TMEM117: variants seen among roughly 807,000 people sequenced by gnomAD.
TMEM117 encodes the protein transmembrane protein 117.
Under a neutral mutation model 52.4 loss-of-function variants are expected in TMEM117, and 27 were observed. That is an observed-to-expected ratio of 0.51 (90% CI 0.38 to 0.71). The LOEUF (loss-of-function observed/expected upper bound fraction) is 0.71. Ranked by LOEUF, TMEM117 falls within the 30% of genes least tolerant of loss-of-function variation. The probability of loss-of-function intolerance (pLI) is 0.00; values close to 1 mark genes in which losing one functional copy is unlikely to be tolerated. For missense variants in TMEM117, 556 were observed against 630.5 expected (o/e 0.88, Z 1.26); for synonymous variants, 215 against 206.3 (o/e 1.04, Z -0.36).
the TMEM117 span, among the ~76,000 whole-genome samples, chr12:43,815,474 T>A: frequency 6.6e-6 from 1 of 152,204 alleles, no homozygotes; most frequent in Admixed American, 6.5e-5. Context: ...CAGAGTGAAT[T>A]GCTGAAGACA....
chr12:44,137,173 A>G (rs1490485322), intron 3 of TMEM117, among the ~76,000 whole-genome samples: 1 of 152,114 alleles, frequency 6.6e-6, no homozygotes, highest in Non-Finnish European at 1.5e-5. Context: ...AATGTAAGAA[A>G]ATCATTAAAA....
At chr12:43,971,821 T>A (rs990334391) in intron 3 of TMEM117, among the ~76,000 whole-genome samples, 4 of 152,206 alleles carry the variant, frequency 2.6e-5, no homozygotes, top group Non-Finnish European at 1.5e-5. Flanking sequence ...TTGTTAACTG[T>A]AGGCACAATG....
intron 2 of TMEM117, among the ~76,000 whole-genome samples, chr12:43,867,974 AC>A (rs779132070): frequency 1.3e-5 from 2 of 152,200 alleles, no homozygotes; most frequent in Non-Finnish European, 2.9e-5. Context: ...TTTTTCAAGT[AC>A]AATGGAATAT....
the TMEM117 span, among the ~76,000 whole-genome samples, chr12:43,825,381 T>C: frequency 6.6e-6 from 1 of 152,134 alleles, no homozygotes; most frequent in Non-Finnish European, 1.5e-5. Flanking sequence ...CAGGGGTTGA[T>C]CCCTACTCAC....
At chr12:43,950,861 G>C (rs1945209214) in intron 3 of TMEM117, among the ~76,000 whole-genome samples, 1 of 152,230 alleles carries the variant, frequency 6.6e-6, no homozygotes, top group South Asian at 2.1e-4. Context: ...GAGGGGCCAA[G>C]ATGGCCGAAT....
At position 44,285,160 on chromosome 12, in the gene TMEM117, AT is replaced by A. The variant is rs538416649; in HGVS notation, c.609-14413del. ...TGACCAAATGCTCCAACCCAGACGT[AT>A]TTTTTTCAGCCACCTCTTTTATGGC... is the stretch of plus-strand genomic sequence containing the variant. On this transcript the variant is annotated intron_variant, in intron 5 of 7. Coordinates refer to ENST00000266534, the MANE Select transcript of TMEM117 (RefSeq NM_032256.3). 2.2e-3 allele frequency among the ~76,000 whole-genome samples: 334 copies of A among 152,234 alleles called. 3 individuals carry two copies. Among genetic ancestry groups the A allele is most frequent in the African/African-American group, 7.6e-3 (317 of 41,548 alleles).
chr12:44,300,257 G>A (rs780176010), intron 6 of TMEM117, among the ~76,000 whole-genome samples: 1 of 152,104 alleles, frequency 6.6e-6, no homozygotes, highest in Non-Finnish European at 1.5e-5. Flanking sequence ...CCATATTTCT[G>A]CCCTGCTTAG....
intron 3 of TMEM117, among the ~76,000 whole-genome samples, chr12:43,979,587 T>G (rs559668280): frequency 1.3e-5 from 2 of 152,104 alleles, no homozygotes; most frequent in Non-Finnish European, 2.9e-5. Context: ...AAGTCAACAA[T>G]AACTATAGGC....
In TMEM117 at chr12:44,275,809, T is replaced by TG. The variant is rs1385128655; in HGVS notation, c.609-23766dup. ...GGTTACCAGAGTCTGGAAAGGCTTGTGGGGGCGGGGAGGTGGGAATGGTTA... is the reference window on the plus strand; with the variant it reads ...GGTTACCAGAGTCTGGAAAGGCTTGTGGGGGGCGGGGAGGTGGGAATGGTTA... On this transcript the variant is annotated intron_variant, in intron 5 of 7. Transcript: ENST00000266534. Among the ~76,000 whole-genome samples, 5 of 147,726 alleles carry TG rather than the reference T, an allele frequency of 3.4e-5. No homozygotes were observed. In the South Asian group the frequency reaches 8.6e-4, roughly 25 times the overall value.
intron 6 of TMEM117, among the ~76,000 whole-genome samples, chr12:44,345,318 G>A (rs1327629800): frequency 2.0e-5 from 3 of 151,840 alleles, no homozygotes; most frequent in Non-Finnish European, 4.4e-5. Context: ...ATTTCTTCAG[G>A]GCATATTCCC....
At chr12:43,807,620 T>G in the TMEM117 span, among the ~76,000 whole-genome samples, 1 of 152,322 alleles carries the variant, frequency 6.6e-6, no homozygotes, top group East Asian at 1.9e-4. Flanking sequence ...GGGAAATTGC[T>G]TAAGGAAGTT....
intron 3 of TMEM117, among the ~76,000 whole-genome samples, chr12:44,048,252 C>T (rs1946911081): frequency 6.6e-6 from 1 of 152,016 alleles, no homozygotes; most frequent in Non-Finnish European, 1.5e-5. Context: ...ATTCTTCATT[C>T]ATCTTGCCAA....
chr12:44,154,989 A>C (rs1044596173), intron 4 of TMEM117, among the ~76,000 whole-genome samples: 6 of 152,050 alleles, frequency 3.9e-5, no homozygotes, highest in Admixed American at 3.9e-4. Flanking sequence ...TGAAGTGCAG[A>C]GCTTATACAA....
At chr12:44,196,355 A>T (rs912470416) in intron 4 of TMEM117, among the ~76,000 whole-genome samples, 1 of 152,192 alleles carries the variant, frequency 6.6e-6, no homozygotes, top group Non-Finnish European at 1.5e-5. Context: ...AAAACTAACA[A>T]ATATAAGATT....
At chr12:43,799,197 A>G in the TMEM117 span, among the ~76,000 whole-genome samples, 2 of 152,140 alleles carry the variant, frequency 1.3e-5, no homozygotes, top group Non-Finnish European at 2.9e-5. Context: ...TATTTATAAA[A>G]TGCATATAAA....
chr12:44,092,905 G>A (rs1947697808), intron 3 of TMEM117, among the ~76,000 whole-genome samples: 2 of 152,172 alleles, frequency 1.3e-5, no homozygotes, highest in Admixed American at 6.5e-5. Context: ...AGGAGGAAGA[G>A]TACAAAGTGT....
At chr12:44,145,050 G>C (rs971671537) in intron 4 of TMEM117, among the ~76,000 whole-genome samples, 1 of 152,104 alleles carries the variant, frequency 6.6e-6, no homozygotes, top group Non-Finnish European at 1.5e-5. Flanking sequence ...CCAGCTACTC[G>C]GGAGGCTGAG....
chr12:44,163,357 G>GTTTTA (rs1476802308), intron 4 of TMEM117, among the ~76,000 whole-genome samples: 1 of 151,938 alleles, frequency 6.6e-6, no homozygotes, highest in South Asian at 2.1e-4. Context: ...TGTAAAACCT[G>GTTTTA]TTTTATTTTA....
At chr12:43,886,002 G>A (rs1039946162) in intron 2 of TMEM117, among the ~76,000 whole-genome samples, 1 of 152,172 alleles carries the variant, frequency 6.6e-6, no homozygotes, top group African/African-American at 2.4e-5. Flanking sequence ...CATAAGTTGG[G>A]ATAGAGATAA....
Sources: allele counts gnomAD v4.1 joint callset (sites outside exome capture counted in the v4.1 genomes callset), GRCh38; gene constraint gnomAD v4.1.1; transcripts MANE v1.5; gene names NCBI Gene and HGNC (gene_info 2026-07-23, HGNC 2026-07-21).